Variants in RAPGEF1 observed in about 807,000 individuals in gnomAD.
The protein encoded by RAPGEF1 is CRK SH3-binding GNRP.
Under a neutral mutation model 143.3 loss-of-function variants are expected in RAPGEF1, and 33 were observed. That is an observed-to-expected ratio of 0.23 (90% CI 0.17 to 0.31). The LOEUF (loss-of-function observed/expected upper bound fraction) is 0.31, where lower values mean the gene tolerates loss of function less well. Ranked by LOEUF, RAPGEF1 falls within the 10% of genes least tolerant of loss-of-function variation. RAPGEF1 has a pLI of 1.00. For synonymous variants in RAPGEF1, 629 were observed against 676.5 expected, an observed-to-expected ratio of 0.93 and a Z score of 1.09; for missense variants, 1,199 against 1,645.4, an observed-to-expected ratio of 0.73 and a Z score of 4.69.
chr9:131,602,116 C>T lies in RAPGEF1; in HGVS notation c.2446G>A (p.Asp816Asn), dbSNP rs200325234. 6.7e-5 allele frequency: 107 copies of T among 1,601,726 alleles called. No individual in the cohort carries two copies. In the East Asian group the frequency reaches 2.4e-3, roughly 36 times the overall value. ...PPAGKDGHPR[D>N]PSAVSGVPGK... ...GGGACGCCGCTGACCGCTGAGGGAT[C>T]TCTGGGATGTCCGTCTTTCCCAGCC... Residue 816 changes from aspartate to asparagine, a missense_variant, in exon 15 of 27, where the codon GAT (aspartate) becomes AAT (asparagine). By Grantham distance (23) the Asp-to-Asn change is conservative. Around this residue, in one of 6 missense-constraint regions of RAPGEF1, gnomAD observed 293 missense variants for 356.2 expected, o/e 0.82. Coordinates refer to ENST00000683357, the MANE Select transcript of RAPGEF1 (RefSeq NM_001377935.1).
chr9:131,656,630 T>C (rs1358349524), intron 1 of RAPGEF1, among the ~76,000 whole-genome samples: 1 of 152,192 alleles, frequency 6.6e-6, no homozygotes, highest in African/African-American at 2.4e-5. Flanking sequence ...TGAGTTGCTG[T>C]TCAGGCAGGC....
Position 131,631,193 on chromosome 9 carries a change from G to A in RAPGEF1, c.652-869C>T, listed in dbSNP as rs149291130. Among the ~76,000 whole-genome samples the A allele has an allele frequency of 4.2e-3, 638 of 152,188 alleles. 3 individuals are homozygous for A. Among genetic ancestry groups the A allele is most frequent in the Middle Eastern group, 0.01 (3 of 294 alleles). On this transcript the variant is annotated intron_variant, in intron 5 of 26. Coordinates refer to ENST00000683357, the MANE Select transcript of RAPGEF1 (RefSeq NM_001377935.1). ...ACCTTCTTTTTAAAAACAGCTTTAT[G>A]GATATATAACTCATATGCCATTAAA... is the stretch of plus-strand genomic sequence containing the variant.
intron 1 of RAPGEF1, among the ~76,000 whole-genome samples, chr9:131,734,255 G>A (rs1287866741): frequency 1.3e-5 from 2 of 152,188 alleles, no homozygotes; most frequent in African/African-American, 4.8e-5. Context: ...GCATGACCTT[G>A]GGCAAACAAC....
At chr9:131,629,038 T>C in intron 7 of RAPGEF1, 64 bp downstream of exon 7, 3 of 1,561,904 alleles carry the variant, frequency 1.9e-6, no homozygotes, top group Non-Finnish European at 2.6e-6. Flanking sequence ...GCCCGAGCCC[T>C]GTCTTCCTCC....
chr9:131,737,177 G>A (rs140878223), intron 1 of RAPGEF1, among the ~76,000 whole-genome samples: 21 of 152,294 alleles, frequency 1.4e-4, no homozygotes, highest in Non-Finnish European at 2.5e-4. Flanking sequence ...CTGCAGGCGA[G>A]GTCCTGACCC....
chr9:131,650,410 T>A lies in RAPGEF1; in HGVS notation c.202-168A>T, dbSNP rs1318831534. Among the ~76,000 whole-genome samples the A allele has an allele frequency of 6.6e-6, 1 of 152,234 alleles. No homozygotes were observed. The highest frequency in any genetic ancestry group is 1.5e-5 in the Non-Finnish European group (1 of 68,038). ...TTGGCTGTGTCTCAAGGGGTTTGCA[T>A]GTTTCAGAGCACAGGCCCTAAAGCC... On this transcript the variant is annotated intron_variant, in intron 2 of 26. Transcript: ENST00000683357. The surrounding 1 kb of genome is among the most constrained non-coding windows in gnomAD (Gnocchi z 4.7).
intron 1 of RAPGEF1, among the ~76,000 whole-genome samples, chr9:131,657,262 C>T (rs1184942386): frequency 6.6e-6 from 1 of 152,208 alleles, no homozygotes; most frequent in Non-Finnish European, 1.5e-5. Context: ...GACAGACAGA[C>T]AGATGCACTC....
intron 5 of RAPGEF1, among the ~76,000 whole-genome samples, chr9:131,630,710 C>T (rs1029174413): frequency 3.3e-5 from 5 of 151,862 alleles, no homozygotes; most frequent in East Asian, 1.9e-4. Flanking sequence ...ATCATATGCA[C>T]GATGATGGCA....
Position 131,650,204 on chromosome 9 carries a change from G to C in RAPGEF1, c.240C>G (p.Leu80=). The C allele has an allele frequency of 6.2e-7, 1 of 1,613,922 alleles. No homozygotes were observed. ...TDRFLPEGYP[L]PLDLEQQAVE... ...CTGCCTGCTGCTCCAGATCCAAGGG[G>C]AGAGGGTAGCCCTCTGGTAGAAATC... The change falls in exon 3 of 27, where the codon CTC becomes CTG. Residue 80 remains leucine (L), a synonymous_variant. Coordinates refer to ENST00000683357, the MANE Select transcript of RAPGEF1 (RefSeq NM_001377935.1). The surrounding 1 kb of genome is among the most constrained non-coding windows in gnomAD (Gnocchi z 4.7).
chr9:131,674,824 G>T (rs1364537351), intron 1 of RAPGEF1, among the ~76,000 whole-genome samples: 1 of 152,178 alleles, frequency 6.6e-6, no homozygotes. Context: ...AAGAAACCCT[G>T]TGGAGGCGCG....
intron 5 of RAPGEF1, among the ~76,000 whole-genome samples, chr9:131,633,987 C>T (rs979298186): frequency 6.6e-6 from 1 of 152,312 alleles, no homozygotes; most frequent in East Asian, 1.9e-4. Flanking sequence ...AAAGGCCAGA[C>T]GTGGTTGCTC....
intron 1 of RAPGEF1, among the ~76,000 whole-genome samples, chr9:131,654,196 T>G (rs183532836): frequency 2.1e-4 from 32 of 152,066 alleles, no homozygotes; most frequent in Non-Finnish European, 3.7e-4. Flanking sequence ...TATTCTAAAA[T>G]TAGAATATGG....
At chr9:131,737,372 C>A (rs776305469) in intron 1 of RAPGEF1, 26 of 1,613,782 alleles carry the variant, frequency 1.6e-5, no homozygotes, top group Non-Finnish European at 2.1e-5. Flanking sequence ...CAGTGTCTTC[C>A]TCATTCCCGC....
chr9:131,680,095 T>G (rs1832778581), intron 1 of RAPGEF1, among the ~76,000 whole-genome samples: 1 of 152,210 alleles, frequency 6.6e-6, no homozygotes, highest in South Asian at 2.1e-4. Flanking sequence ...ATCCCCAAAT[T>G]TTGATTAACA....
chr9:131,670,409 GCTC>G (rs1174570367), intron 1 of RAPGEF1, among the ~76,000 whole-genome samples: 5 of 152,110 alleles, frequency 3.3e-5, no homozygotes, highest in Non-Finnish European at 7.4e-5. Flanking sequence ...CTTGGTGTAG[GCTC>G]CTCTTCCCCC....
At chr9:131,614,978 T>C (rs1958689188) in intron 12 of RAPGEF1, among the ~76,000 whole-genome samples, 2 of 152,244 alleles carry the variant, frequency 1.3e-5, no homozygotes, top group African/African-American at 4.8e-5. Context: ...AACAGATTTC[T>C]AGCACCCAAA....
At chr9:131,613,812 TC>T (rs1958432390) in intron 12 of RAPGEF1, among the ~76,000 whole-genome samples, 1 of 152,160 alleles carries the variant, frequency 6.6e-6, no homozygotes, top group Non-Finnish European at 1.5e-5. Context: ...ACTTGTAGAC[TC>T]TGCCCCTAAG....
At chr9:131,615,134 G>A (rs559411532) in intron 12 of RAPGEF1, among the ~76,000 whole-genome samples, 9 of 152,294 alleles carry the variant, frequency 5.9e-5, no homozygotes, top group Middle Eastern at 3.4e-3. Context: ...GCGCAGTGGC[G>A]CGATCTCCAC....
intron 22 of RAPGEF1, among the ~76,000 whole-genome samples, chr9:131,586,359 C>T (rs1476501936): frequency 6.9e-6 from 1 of 144,416 alleles, no homozygotes; most frequent in African/African-American, 2.6e-5. Context: ...CTCAAACACA[C>T]ACACACACAC....
Sources: allele counts gnomAD v4.1 joint callset (sites outside exome capture counted in the v4.1 genomes callset), GRCh38; gene constraint gnomAD v4.1.1; regional missense constraint gnomAD v4.1.1; non-coding constraint Gnocchi (gnomAD v3.1); transcripts MANE v1.5; gene names NCBI Gene and HGNC (gene_info 2026-07-23, HGNC 2026-07-21).